Variants in TMC1 observed in about 807,000 individuals in gnomAD.
The protein encoded by TMC1 is transmembrane channel like 1.
Under a neutral mutation model 105.8 loss-of-function variants are expected in TMC1, and 84 were observed. The ratio of observed to expected loss-of-function variants is 0.79; its 90% CI spans 0.67 to 0.95. The LOEUF (loss-of-function observed/expected upper bound fraction) is 0.95, where lower values mean the gene tolerates loss of function less well. Among genes scored for constraint, TMC1 ranks in the 40% least tolerant of loss-of-function variants. TMC1 has a pLI of 0.00. For synonymous variants in TMC1, 315 were observed against 311.5 expected, an observed-to-expected ratio of 1.01 and a Z score of -0.12; for missense variants, 817 against 914.1, an observed-to-expected ratio of 0.89 and a Z score of 1.37.
At chr9:72,793,280 G>A (rs569018981) in intron 17 of TMC1, among the ~76,000 whole-genome samples, 2 of 152,202 alleles carry the variant, frequency 1.3e-5, no homozygotes, top group South Asian at 4.2e-4. Flanking sequence ...CAGTCTGCAG[G>A]CCCCACTTCA....
At chr9:72,643,274 C>G (rs1825656519) in intron 4 of TMC1, among the ~76,000 whole-genome samples, 1 of 152,050 alleles carries the variant, frequency 6.6e-6, no homozygotes, top group South Asian at 2.1e-4. Flanking sequence ...CCATGCATGG[C>G]TTGTATTTCA....
chr9:72,607,808 C>T (rs569658742), intron 2 of TMC1: 2 of 151,866 alleles, frequency 1.3e-5, no homozygotes, highest in South Asian at 4.2e-4. Context: ...ATTATTATTC[C>T]CCAAATAGGA....
chr9:72,635,787 A>C (rs1271187351), intron 4 of TMC1, among the ~76,000 whole-genome samples: 1 of 152,218 alleles, frequency 6.6e-6, no homozygotes, highest in Admixed American at 6.5e-5. Context: ...ACTGTGATTA[A>C]GCAGAGCCTG....
intron 1 of TMC1, among the ~76,000 whole-genome samples, chr9:72,542,011 C>G (rs1241002839): frequency 2.0e-5 from 3 of 152,016 alleles, no homozygotes; most frequent in African/African-American, 7.2e-5. Context: ...GAGGTATTTG[C>G]AATACTAGAG....
At chr9:72,563,074 C>T (rs1824085408) in intron 1 of TMC1, among the ~76,000 whole-genome samples, 2 of 106,084 alleles carry the variant, frequency 1.9e-5, no homozygotes, top group African/African-American at 5.0e-5. Flanking sequence ...ATAAGATTTA[C>T]AAACATAGAG....
chr9:72,779,421 G>C (rs1387003397), intron 13 of TMC1, among the ~76,000 whole-genome samples: 2 of 152,234 alleles, frequency 1.3e-5, no homozygotes, highest in Admixed American at 1.3e-4. Flanking sequence ...GACTGAGATG[G>C]CTGAAATGAC....
intron 10 of TMC1, among the ~76,000 whole-genome samples, chr9:72,746,241 A>G (rs371561716): frequency 6.6e-6 from 1 of 152,200 alleles, no homozygotes; most frequent in East Asian, 1.9e-4. Flanking sequence ...CATCTAATAT[A>G]TATCTTATTT....
At chr9:72,605,129 A>G (rs1352451313) in intron 2 of TMC1, among the ~76,000 whole-genome samples, 1 of 152,260 alleles carries the variant, frequency 6.6e-6, no homozygotes, top group Non-Finnish European at 1.5e-5. Context: ...CAAAAACAAT[A>G]TAGCATTTAA....
chr9:72,683,771 A>ATATATATATATATATG (rs1197858519), intron 5 of TMC1, among the ~76,000 whole-genome samples: 1 of 134,266 alleles, frequency 7.4e-6, no homozygotes. Flanking sequence ...ATATATATAT[A>ATATATATATATATATG]TATGTTAAAA....
intron 5 of TMC1, among the ~76,000 whole-genome samples, chr9:72,684,085 A>G (rs1226913934): frequency 1.3e-5 from 2 of 152,136 alleles, no homozygotes; most frequent in African/African-American, 4.8e-5. Flanking sequence ...AAAAGCAGAA[A>G]TAAAACTGAG....
chr9:72,607,524 C>A (rs1824942529), intron 2 of TMC1, among the ~76,000 whole-genome samples: 1 of 148,632 alleles, frequency 6.7e-6, no homozygotes, highest in African/African-American at 2.5e-5. Context: ...GAGGCTGAGG[C>A]AGAATGGTGT....
Position 72,540,805 on chromosome 9 carries a change from A to T in TMC1, c.-428+18892A>T, listed in dbSNP as rs149238684. On this transcript the variant is annotated intron_variant, in intron 1 of 23. Transcript: ENST00000297784. ...TGAACTTGAAACTCAGCATGACAAC[A>T]TGCTGGCTGTGTGACTAAGGCAAAT... is the stretch of plus-strand genomic sequence containing the variant. 4.8e-4 allele frequency among the ~76,000 whole-genome samples: 73 copies of T among 152,292 alleles called. 1 individual carries two copies. The highest frequency in any genetic ancestry group is 3.4e-3 in the Middle Eastern group (1 of 294).
At chr9:72,603,499 C>T (rs1824855080) in intron 2 of TMC1, among the ~76,000 whole-genome samples, 1 of 152,124 alleles carries the variant, frequency 6.6e-6, no homozygotes, top group East Asian at 1.9e-4. Flanking sequence ...TCTGAAGGCT[C>T]ATCTCCTTAG....
chr9:72,746,521 T>G (rs918787932), intron 10 of TMC1, among the ~76,000 whole-genome samples: 1 of 152,182 alleles, frequency 6.6e-6, no homozygotes, highest in Admixed American at 6.5e-5. Flanking sequence ...TCTAATCCAC[T>G]TTTCCCCACT....
chr9:72,814,600 C>A (rs974807762), intron 18 of TMC1, among the ~76,000 whole-genome samples: 3 of 152,140 alleles, frequency 2.0e-5, no homozygotes, highest in Non-Finnish European at 4.4e-5. Context: ...CATTATGTAT[C>A]ATCCTATCAT....
At chr9:72,812,098 G>A (rs553643633) in intron 18 of TMC1, among the ~76,000 whole-genome samples, 4 of 152,242 alleles carry the variant, frequency 2.6e-5, no homozygotes, top group African/African-American at 7.2e-5. Flanking sequence ...AATTTACACC[G>A]TAATGCTTGA....
At chr9:72,834,558 C>G (rs1001317240) in intron 23 of TMC1, among the ~76,000 whole-genome samples, 3 of 152,120 alleles carry the variant, frequency 2.0e-5, no homozygotes, top group African/African-American at 7.2e-5. Flanking sequence ...CGAACTCCTG[C>G]CCAGAGAGTA....
At chr9:72,775,651 A>AT (rs1253339121) in intron 13 of TMC1, among the ~76,000 whole-genome samples, 1 of 152,106 alleles carries the variant, frequency 6.6e-6, no homozygotes, top group Non-Finnish European at 1.5e-5. Flanking sequence ...TGTTTGTAGG[A>AT]TGTTTTAGTC....
At chr9:72,602,466 C>A (rs1824834379) in intron 2 of TMC1, among the ~76,000 whole-genome samples, 1 of 151,086 alleles carries the variant, frequency 6.6e-6, no homozygotes, top group South Asian at 2.1e-4. Context: ...CCTCTGCCTC[C>A]CAGGTTCAAG....
Sources: allele counts gnomAD v4.1 joint callset (sites outside exome capture counted in the v4.1 genomes callset), GRCh38; gene constraint gnomAD v4.1.1; transcripts MANE v1.5; gene names NCBI Gene and HGNC (gene_info 2026-07-23, HGNC 2026-07-21).